CRB1: variants seen among roughly 807,000 people sequenced by gnomAD.
CRB1 encodes the protein crumbs cell polarity complex component 1.
A neutral mutation model predicts 120.0 loss-of-function variants in CRB1; 83 were observed. The observed-to-expected ratio is 0.69, with a 90% CI of 0.58 to 0.83. The LOEUF (loss-of-function observed/expected upper bound fraction) is 0.83. CRB1 is among the 40% of genes least tolerant of loss of function. The pLI, the probability that CRB1 is intolerant of heterozygous loss-of-function variation, is 0.00. For missense variants in CRB1, 1,699 were observed against 1,687.6 expected (o/e 1.01, Z -0.12); for synonymous variants, 625 against 612.5 (o/e 1.02, Z -0.30).
intron 11 of CRB1, among the ~76,000 whole-genome samples, chr1:197,462,686 C>G (rs931733995): frequency 6.6e-6 from 1 of 152,136 alleles, no homozygotes; most frequent in South Asian, 2.1e-4. Flanking sequence ...TTTTTAATTA[C>G]ACATAAATTT....
intron 3 of CRB1, among the ~76,000 whole-genome samples, chr1:197,346,935 C>T (rs1659809774): frequency 6.6e-6 from 1 of 152,148 alleles, no homozygotes; most frequent in South Asian, 2.1e-4. Flanking sequence ...TGGTATAAAT[C>T]ATTCTCTACC....
At chr1:197,286,839 T>C (rs1655853865) in intron 1 of CRB1, among the ~76,000 whole-genome samples, 3 of 151,922 alleles carry the variant, frequency 2.0e-5, no homozygotes, top group African/African-American at 7.2e-5. Flanking sequence ...CAAAGCCATA[T>C]GGTTATCAGA....
intron 1 of CRB1, among the ~76,000 whole-genome samples, chr1:197,298,960 T>C (rs1435298033): frequency 2.0e-5 from 3 of 152,132 alleles, no homozygotes; most frequent in African/African-American, 4.8e-5. Context: ...TAGGAATACA[T>C]TTATTTAAGA....
At chr1:197,365,264 C>T (rs1354299298) in intron 5 of CRB1, among the ~76,000 whole-genome samples, 3 of 152,082 alleles carry the variant, frequency 2.0e-5, no homozygotes. Context: ...GATGAAGAGG[C>T]TCCTTTAGTG....
chr1:197,217,442 G>A, the CRB1 span, among the ~76,000 whole-genome samples: 28 of 152,074 alleles, frequency 1.8e-4, no homozygotes, highest in Non-Finnish European at 3.4e-4. Flanking sequence ...ACTGATGAAC[G>A]GATAAACAAA....
intron 5 of CRB1, among the ~76,000 whole-genome samples, chr1:197,391,585 T>C (rs896639675): frequency 3.3e-5 from 5 of 152,118 alleles, no homozygotes; most frequent in Non-Finnish European, 7.4e-5. Flanking sequence ...GCACCATATA[T>C]AACACCACAC....
In CRB1 at chr1:197,435,034, C is replaced by G. The variant is rs62636284; in HGVS notation, c.3171C>G (p.Asn1057Lys). The G allele has an allele frequency of 6.2e-7, 1 of 1,613,812 alleles. No homozygotes were observed. Among genetic ancestry groups the G allele is most frequent in the African/African-American group, 1.3e-5 (1 of 74,884 alleles). Residue 1057 changes from asparagine to lysine, a missense_variant, in exon 9 of 12, where the codon AAC (asparagine) becomes AAG (lysine). Coordinates refer to ENST00000367400, the MANE Select transcript of CRB1 (RefSeq NM_201253.3). ...CCAGGTGGCAAATGGAAGTGGACAA[C>G]GAAACACCTTTTGTGACCAGCACAA... ...QTSRWQMEVD[N>K]ETPFVTSTIA... is the part of the protein sequence containing the mutation.
chr1:197,404,164 A>G (rs1188241205), intron 5 of CRB1, among the ~76,000 whole-genome samples: 1 of 152,216 alleles, frequency 6.6e-6, no homozygotes, highest in African/African-American at 2.4e-5. Flanking sequence ...ATGACAAGGA[A>G]AATAGTATTC....
chr1:197,413,159 C>T, intron 5 of CRB1, among the ~76,000 whole-genome samples: 1 of 152,288 alleles, frequency 6.6e-6, no homozygotes, highest in South Asian at 2.1e-4. Flanking sequence ...TCTAGGTCCT[C>T]AGGTTCCCCT....
rs770919155 is a variant in CRB1, at chr1:197,421,307, C to T, written c.1479C>T (p.Phe493=). The T allele has an allele frequency of 3.0e-5, 48 of 1,614,054 alleles. 1 individual carries two copies. In the Admixed American group the frequency reaches 7.2e-4, roughly 24 times the overall value. The change falls in exon 6 of 12, where the codon TTC becomes TTT. Residue 493 remains phenylalanine, a synonymous_variant. Transcript: ENST00000367400. Reference sequence around the variant, plus strand: ...CACTTTCATTTGAGGGCGATGGCTTCCTGTGGGTCAAAAGTGGCTCAGTGA... The same window carrying T: ...CACTTTCATTTGAGGGCGATGGCTTTCTGTGGGTCAAAAGTGGCTCAGTGA... ...ATTLSFEGDG[F]LWVKSGSVTT...
intron 5 of CRB1, among the ~76,000 whole-genome samples, chr1:197,359,098 G>A (rs1029698374): frequency 6.6e-6 from 1 of 152,158 alleles, no homozygotes; most frequent in Non-Finnish European, 1.5e-5. Flanking sequence ...GGAGGCCCAT[G>A]TATGCTTTAC....
the CRB1 span, among the ~76,000 whole-genome samples, chr1:197,207,937 G>C: frequency 6.6e-6 from 1 of 151,658 alleles, no homozygotes; most frequent in East Asian, 1.9e-4. Flanking sequence ...TCTTTGTTTT[G>C]GTTGGATTGA....
intron 1 of CRB1, among the ~76,000 whole-genome samples, chr1:197,285,477 T>C (rs1275954953): frequency 2.0e-5 from 3 of 151,942 alleles, no homozygotes; most frequent in Non-Finnish European, 2.9e-5. Context: ...TCAGTGTTAC[T>C]ACTTATAAAG....
intron 5 of CRB1, among the ~76,000 whole-genome samples, chr1:197,361,814 T>G (rs1363360371): frequency 1.3e-5 from 2 of 152,020 alleles, no homozygotes; most frequent in East Asian, 1.9e-4. Flanking sequence ...GTTTTCCTAT[T>G]TGCAATTTTA....
intron 8 of CRB1, among the ~76,000 whole-genome samples, chr1:197,433,852 G>C (rs1225147834): frequency 6.6e-6 from 1 of 152,082 alleles, no homozygotes; most frequent in East Asian, 1.9e-4. Flanking sequence ...ATTATAGCAG[G>C]ATAGAATGCA....
the CRB1 span, among the ~76,000 whole-genome samples, chr1:197,202,347 A>C: frequency 6.6e-6 from 1 of 152,210 alleles, no homozygotes; most frequent in Non-Finnish European, 1.5e-5. Flanking sequence ...TCACATTCAC[A>C]TGGATTTGCA....
intron 1 of CRB1, among the ~76,000 whole-genome samples, chr1:197,313,061 G>T (rs781212073): frequency 3.9e-5 from 6 of 152,170 alleles, no homozygotes; most frequent in Non-Finnish European, 7.3e-5. Flanking sequence ...ACATGACTGG[G>T]AGGCCTCAGG....
At chr1:197,243,213 G>T in the CRB1 span, among the ~76,000 whole-genome samples, 1 of 151,944 alleles carries the variant, frequency 6.6e-6, no homozygotes, top group Non-Finnish European at 1.5e-5. Context: ...ATTGTCGTTT[G>T]CTGACTTTTG....
chr1:197,332,557 A>C (rs10754221), intron 2 of CRB1, among the ~76,000 whole-genome samples: 19,579 of 152,210 alleles, frequency 0.13, 1,393 homozygotes, highest in South Asian at 0.18. Context: ...GGGTAAAAAA[A>C]AAAATGCAGT....
Sources: gnomAD v4.1 joint callset for allele counts (sites outside exome capture counted in the v4.1 genomes callset) on GRCh38, gnomAD v4.1.1 for gene constraint, MANE v1.5 for transcripts, NCBI Gene and HGNC (gene_info 2026-07-23, HGNC 2026-07-21) for gene names.